TAFA1: variants seen among roughly 807,000 people sequenced by gnomAD.
TAFA1 encodes chemokine-like protein TAFA-1.
A neutral mutation model predicts 18.5 loss-of-function variants in TAFA1; 4 were observed. The observed-to-expected ratio is 0.22, with a 90% CI of 0.11 to 0.49. TAFA1 has a LOEUF of 0.49. Ranked by LOEUF, TAFA1 falls within the 20% of genes least tolerant of loss-of-function variation. The pLI is 0.98. For missense variants in TAFA1, 147 were observed against 169.0 expected, an observed-to-expected ratio of 0.87 and a Z score of 0.72; for synonymous variants, 56 against 55.2, an observed-to-expected ratio of 1.01 and a Z score of -0.06.
intron 2 of TAFA1, among the ~76,000 whole-genome samples, chr3:68,078,195 T>C (rs1357482870): frequency 6.6e-6 from 1 of 152,172 alleles, no homozygotes; most frequent in East Asian, 1.9e-4. Context: ...CCTTATCAGC[T>C]TAAGGAGATT....
In TAFA1 at chr3:68,342,192, C is replaced by G. The variant is rs183899170; in HGVS notation, c.119-75088C>G. 3.5e-4 allele frequency among the ~76,000 whole-genome samples: 53 copies of G among 152,286 alleles called. 1 individual carries two copies. In the East Asian group the frequency reaches 0.01, roughly 29 times the overall value. On this transcript the variant is annotated intron_variant, in intron 2 of 4. Coordinates refer to ENST00000478136, the MANE Select transcript of TAFA1 (RefSeq NM_213609.4). ...ACTCACAAAACAAAGATACCCCTGTCCTCCAAAGCCTCCATAATGTATCAG... is the reference window on the plus strand; with the variant it reads ...ACTCACAAAACAAAGATACCCCTGTGCTCCAAAGCCTCCATAATGTATCAG...
At chr3:68,403,606 T>C (rs1288259194) in intron 2 of TAFA1, among the ~76,000 whole-genome samples, 1 of 152,224 alleles carries the variant, frequency 6.6e-6, no homozygotes, top group African/African-American at 2.4e-5. Context: ...TCAATTTCCA[T>C]AAATATTATT....
At chr3:68,427,577 T>C (rs1015360255) in intron 3 of TAFA1, among the ~76,000 whole-genome samples, 1 of 151,886 alleles carries the variant, frequency 6.6e-6, no homozygotes, top group African/African-American at 2.4e-5. Flanking sequence ...CTTATACAGA[T>C]GAGTAATATT....
At chr3:68,051,191 T>C (rs2064467114) in intron 2 of TAFA1, among the ~76,000 whole-genome samples, 1 of 152,136 alleles carries the variant, frequency 6.6e-6, no homozygotes, top group East Asian at 1.9e-4. Flanking sequence ...TATGCTAGGC[T>C]TAGAGTATGT....
rs1007387537 is a variant in TAFA1 at position 68,544,683 on chromosome 3, G to A, written c.*180G>A. 6.5e-5 allele frequency: 39 copies of A among 595,686 alleles called. No homozygotes were observed. Among genetic ancestry groups the A allele is most frequent in the Middle Eastern group, 3.5e-4 (1 of 2,864 alleles). The allele number at this position is 595,686 out of a possible 1,614,324, so 36.9% of individuals were successfully genotyped here. A position where few individuals can be genotyped will look rare whatever the true frequency, so the allele number is the denominator to read the frequency against. The stretch of plus-strand genomic sequence containing the variant: ...ATATCCTACAGTGAGAAGACACAGC[G>A]TTTTGGCAACACCATGGAAAGTGGG... On this transcript the variant is annotated 3_prime_UTR_variant, in exon 5 of 5. Transcript: ENST00000478136.
At chr3:68,511,927 G>A (rs564329334) in intron 3 of TAFA1, among the ~76,000 whole-genome samples, 1 of 151,866 alleles carries the variant, frequency 6.6e-6, no homozygotes, top group Non-Finnish European at 1.5e-5. Flanking sequence ...CAATAACATA[G>A]ATAGCACTTA....
chr3:68,253,437 C>G (rs1320952149), intron 2 of TAFA1, among the ~76,000 whole-genome samples: 1 of 152,154 alleles, frequency 6.6e-6, no homozygotes, highest in African/African-American at 2.4e-5. Context: ...CAAATCTCAC[C>G]CATTTGTGAA....
chr3:68,450,055 G>T (rs974481993), intron 3 of TAFA1, among the ~76,000 whole-genome samples: 1 of 152,158 alleles, frequency 6.6e-6, no homozygotes, highest in African/African-American at 2.4e-5. Context: ...AGAACAGTTA[G>T]ATGATTGCCA....
chr3:68,121,653 G>T (rs755632749), intron 2 of TAFA1, among the ~76,000 whole-genome samples: 4 of 152,040 alleles, frequency 2.6e-5, no homozygotes, highest in Non-Finnish European at 5.9e-5. Flanking sequence ...ATTATGTAGT[G>T]TTCATGGCTG....
chr3:68,432,928 C>A (rs1013549280), intron 3 of TAFA1, among the ~76,000 whole-genome samples: 3 of 152,018 alleles, frequency 2.0e-5, no homozygotes, highest in Admixed American at 1.3e-4. Flanking sequence ...TCTCTTCTCA[C>A]TATAGAGACT....
At chr3:68,468,502 C>T (rs1469620879) in intron 3 of TAFA1, among the ~76,000 whole-genome samples, 1 of 152,188 alleles carries the variant, frequency 6.6e-6, no homozygotes, top group Non-Finnish European at 1.5e-5. Flanking sequence ...TTGCTTCCTG[C>T]ATTTACTGTT....
At chr3:68,486,047 G>A (rs1478282142) in intron 3 of TAFA1, among the ~76,000 whole-genome samples, 1 of 151,414 alleles carries the variant, frequency 6.6e-6, no homozygotes, top group Non-Finnish European at 1.5e-5. Flanking sequence ...TGAGTGAGTA[G>A]CCTCCATTCC....
intron 2 of TAFA1, among the ~76,000 whole-genome samples, chr3:68,228,712 T>C (rs931304298): frequency 6.6e-6 from 1 of 152,210 alleles, no homozygotes; most frequent in African/African-American, 2.4e-5. Flanking sequence ...GCAAGTTTAA[T>C]GGACTTAAAA....
At chr3:68,126,857 CA>C (rs1265430156) in intron 2 of TAFA1, among the ~76,000 whole-genome samples, 1 of 152,204 alleles carries the variant, frequency 6.6e-6, no homozygotes, top group Non-Finnish European at 1.5e-5. Context: ...TGTGTGGACA[CA>C]TACCCGCTTT....
At chr3:68,346,413 C>A (rs2069164376) in intron 2 of TAFA1, among the ~76,000 whole-genome samples, 1 of 152,170 alleles carries the variant, frequency 6.6e-6, no homozygotes, top group Non-Finnish European at 1.5e-5. Flanking sequence ...CCACCTCAGC[C>A]TCTCAAAGTG....
intron 2 of TAFA1, among the ~76,000 whole-genome samples, chr3:68,231,930 T>G (rs1446805956): frequency 1.3e-5 from 2 of 152,124 alleles, no homozygotes; most frequent in African/African-American, 4.8e-5. Context: ...TCCTTTTATT[T>G]TTAGTTGTGA....
chr3:68,202,967 C>G (rs2066484982), intron 2 of TAFA1, among the ~76,000 whole-genome samples: 1 of 151,674 alleles, frequency 6.6e-6, no homozygotes, highest in Non-Finnish European at 1.5e-5. Flanking sequence ...CTCTAAAGAA[C>G]TTTTAACACT....
chr3:68,453,669 A>G (rs1027746174), intron 3 of TAFA1, among the ~76,000 whole-genome samples: 4 of 152,200 alleles, frequency 2.6e-5, no homozygotes, highest in Non-Finnish European at 5.9e-5. Flanking sequence ...CTGGCAAAGG[A>G]ATAATTTGAC....
At chr3:68,334,354 T>TTTGTTG (rs146423738) in intron 2 of TAFA1, among the ~76,000 whole-genome samples, 1 of 150,144 alleles carries the variant, frequency 6.7e-6, no homozygotes, top group Admixed American at 6.6e-5. Context: ...CTATATTTCT[T>TTTGTTG]TTGTTGTTGT....
Sources: allele counts gnomAD v4.1 joint callset (sites outside exome capture counted in the v4.1 genomes callset), GRCh38; gene constraint gnomAD v4.1.1; transcripts MANE v1.5; gene names NCBI Gene and HGNC (gene_info 2026-07-23, HGNC 2026-07-21).